ROR2: variants seen among roughly 807,000 people sequenced by gnomAD.
ROR2 encodes the protein tyrosine-protein kinase transmembrane receptor ROR2.
A neutral mutation model predicts 74.9 loss-of-function variants in ROR2; 33 were observed. The observed-to-expected ratio is 0.44, with a 90% CI of 0.33 to 0.59. ROR2 has a LOEUF of 0.59. Among genes scored for constraint, ROR2 ranks in the 20% least tolerant of loss-of-function variants. The pLI is 0.02. For synonymous variants in ROR2, 586 were observed against 558.7 expected (o/e 1.05, Z -0.69); for missense variants, 1,216 against 1,313.8 (o/e 0.93, Z 1.15).
chr9:91,737,401 G>T lies in ROR2; in HGVS notation c.612C>A (p.Asn204Lys). The change falls in exon 5 of 9, where the codon AAC (asparagine) becomes AAA (lysine). Residue 204 changes from asparagine (N) to lysine (K), a missense_variant. By Grantham distance (94) the Asn-to-Lys change is moderately conservative (BLOSUM62 0). Coordinates refer to ENST00000375708, the MANE Select transcript of ROR2 (RefSeq NM_004560.4). The part of the protein sequence containing the change: ...DSLQMQGEIE[N>K]RITAAFTMIG... The stretch of plus-strand genomic sequence containing the variant: ...GTCTGCAGCTCCTACCTGTGATTCG[G>T]TTTTCAATCTCCCCCTGCATCTGAA... 1 of 1,614,104 alleles carries T rather than the reference G, an allele frequency of 6.2e-7. No homozygotes were observed.
chr9:91,754,051 TATG>T (rs1825665560), intron 4 of ROR2, among the ~76,000 whole-genome samples: 1 of 104,890 alleles, frequency 9.5e-6, no homozygotes. Flanking sequence ...GATTTACCTT[TATG>T]ACAAGGGAGG....
intron 1 of ROR2, among the ~76,000 whole-genome samples, chr9:91,858,229 G>A (rs59646330): frequency 0.072 from 10,956 of 152,292 alleles, 462 homozygotes; most frequent in Middle Eastern, 0.14. Flanking sequence ...GTGGGGGTGC[G>A]GGTAACTGCT....
At chr9:91,818,417 T>C (rs947607770) in intron 1 of ROR2, among the ~76,000 whole-genome samples, 1 of 151,282 alleles carries the variant, frequency 6.6e-6, no homozygotes, top group Non-Finnish European at 1.5e-5. Context: ...GCTATCTCCC[T>C]GTACTCCACC....
At chr9:91,893,312 C>T (rs935634065) in intron 1 of ROR2, among the ~76,000 whole-genome samples, 2 of 152,174 alleles carry the variant, frequency 1.3e-5, no homozygotes, top group Admixed American at 6.5e-5. Flanking sequence ...TGGTGGTACA[C>T]GCCTGTAGTC....
At chr9:91,840,180 A>G (rs1221135556) in intron 1 of ROR2, among the ~76,000 whole-genome samples, 1 of 152,134 alleles carries the variant, frequency 6.6e-6, no homozygotes, top group Non-Finnish European at 1.5e-5. Flanking sequence ...GTAGTAGAGG[A>G]ATCAGAGCGG....
intron 1 of ROR2, among the ~76,000 whole-genome samples, chr9:91,919,206 C>A (rs899584278): frequency 3.3e-5 from 5 of 152,198 alleles, no homozygotes; most frequent in African/African-American, 7.2e-5. Flanking sequence ...AATAAACATT[C>A]GTAATTGCTA....
intron 1 of ROR2, chr9:91,886,729 G>A (rs765922635): frequency 5.3e-5 from 8 of 152,374 alleles, no homozygotes; most frequent in Non-Finnish European, 1.0e-4. Context: ...TTTCAGCTTG[G>A]GGGTGGGAAG....
At chr9:91,737,609 G>T (rs1048516780) in intron 4 of ROR2, 91 bp from the exon 5 acceptor site, 10 of 1,572,306 alleles carry the variant, frequency 6.4e-6, no homozygotes, top group Non-Finnish European at 8.7e-6. Flanking sequence ...TTGCGATCCA[G>T]CAATTTTGTT....
At chr9:91,770,100 A>C (rs7026175) in intron 2 of ROR2, among the ~76,000 whole-genome samples, 34,734 of 152,140 alleles carry the variant, frequency 0.23, 4,345 homozygotes, top group Admixed American at 0.32. Context: ...TAGACCCTGT[A>C]CTTTCTCTCT....
intron 1 of ROR2, among the ~76,000 whole-genome samples, chr9:91,804,485 C>T (rs1171098751): frequency 1.3e-5 from 2 of 152,214 alleles, no homozygotes; most frequent in African/African-American, 4.8e-5. Flanking sequence ...GTGTCAAGGG[C>T]TTAGCACCCC....
At chr9:91,854,528 G>A (rs183165840) in intron 1 of ROR2, among the ~76,000 whole-genome samples, 39 of 152,262 alleles carry the variant, frequency 2.6e-4, no homozygotes, top group Non-Finnish European at 4.1e-4. Context: ...CATTTTACCC[G>A]GAATCCCTCA....
intron 1 of ROR2, among the ~76,000 whole-genome samples, chr9:91,836,310 C>T (rs1828608851): frequency 6.6e-6 from 1 of 152,114 alleles, no homozygotes; most frequent in African/African-American, 2.4e-5. Flanking sequence ...GAGGCTGAGG[C>T]GGGCAGATCA....
intron 1 of ROR2, among the ~76,000 whole-genome samples, chr9:91,940,133 A>C (rs1831810562): frequency 6.6e-6 from 1 of 152,186 alleles, no homozygotes; most frequent in Admixed American, 6.5e-5. Context: ...CATTCATGGC[A>C]ACTCAGCCCC....
chr9:91,839,625 A>G (rs771096609), intron 1 of ROR2, among the ~76,000 whole-genome samples: 2 of 147,820 alleles, frequency 1.4e-5, no homozygotes, highest in Non-Finnish European at 3.0e-5. Context: ...TGTGGTATAT[A>G]TTGTGTGTGT....
chr9:91,944,890 G>A (rs1044071771), intron 1 of ROR2, among the ~76,000 whole-genome samples: 6 of 151,490 alleles, frequency 4.0e-5, no homozygotes, highest in South Asian at 2.1e-4. Context: ...CCATCTCTAC[G>A]AAAAAAAATC....
intron 2 of ROR2, among the ~76,000 whole-genome samples, chr9:91,759,743 T>G (rs998101745): frequency 1.3e-5 from 2 of 152,118 alleles, no homozygotes; most frequent in Admixed American, 6.5e-5. Context: ...CAGCTATACC[T>G]GGGAAGGTGC....
chr9:91,857,805 C>A (rs1042883723), intron 1 of ROR2, among the ~76,000 whole-genome samples: 1 of 152,188 alleles, frequency 6.6e-6, no homozygotes, highest in South Asian at 2.1e-4. Flanking sequence ...TGTTTCCCTG[C>A]AGGTTCAACA....
intron 1 of ROR2, among the ~76,000 whole-genome samples, chr9:91,816,512 C>A (rs1164043015): frequency 1.3e-5 from 2 of 152,104 alleles, no homozygotes; most frequent in East Asian, 3.9e-4. Context: ...GGCCTTGCCC[C>A]GAATGCCAGC....
intron 1 of ROR2, among the ~76,000 whole-genome samples, chr9:91,855,732 A>T (rs764109826): frequency 6.6e-6 from 1 of 152,002 alleles, no homozygotes; most frequent in Non-Finnish European, 1.5e-5. Context: ...TGGGGGTGGT[A>T]TGGGGGAGAA....
Sources: allele counts gnomAD v4.1 joint callset (sites outside exome capture counted in the v4.1 genomes callset), GRCh38; gene constraint gnomAD v4.1.1; transcripts MANE v1.5; gene names NCBI Gene and HGNC (gene_info 2026-07-23, HGNC 2026-07-21).